SERPINE2: variants seen among roughly 807,000 people sequenced by gnomAD.
The protein encoded by SERPINE2 is serpin family E member 2.
SERPINE2 carries 14 observed loss-of-function variants against 36.3 expected under a neutral mutation model. The ratio of observed to expected loss-of-function variants is 0.39; its 90% CI spans 0.25 to 0.60. The LOEUF (loss-of-function observed/expected upper bound fraction) is 0.60. Among genes scored for constraint, SERPINE2 ranks in the 20% least tolerant of loss-of-function variants. The pLI is 0.57. For synonymous variants in SERPINE2, 192 were observed against 191.8 expected, an observed-to-expected ratio of 1.00 and a Z score of -0.01; for missense variants, 418 against 499.6, an observed-to-expected ratio of 0.84 and a Z score of 1.56.
At chr2:223,997,323 C>A (rs372672408) in intron 3 of SERPINE2, among the ~76,000 whole-genome samples, 1 of 152,116 alleles carries the variant, frequency 6.6e-6, no homozygotes, top group Non-Finnish European at 1.5e-5. Flanking sequence ...CAGGTTCAAG[C>A]GATTCTCCTG....
intron 1 of SERPINE2, among the ~76,000 whole-genome samples, chr2:224,005,478 A>T (rs1004140847): frequency 1.1e-4 from 16 of 152,240 alleles, no homozygotes; most frequent in Non-Finnish European, 1.9e-4. Flanking sequence ...CCTGGCTTAT[A>T]TACGTGTCTA....
chr2:223,988,219 G>A (rs1690515969), intron 4 of SERPINE2, among the ~76,000 whole-genome samples: 1 of 152,126 alleles, frequency 6.6e-6, no homozygotes, highest in Non-Finnish European at 1.5e-5. Flanking sequence ...CCCCAGGCTG[G>A]AAAGCAGTGA....
At chr2:224,009,814 A>G (rs1232659430) in intron 1 of SERPINE2, among the ~76,000 whole-genome samples, 2 of 152,200 alleles carry the variant, frequency 1.3e-5, no homozygotes, top group African/African-American at 4.8e-5. Flanking sequence ...ATTTCTCATC[A>G]GTACTTTGCC....
chr2:223,994,852 T>G (rs1167009371), intron 3 of SERPINE2, among the ~76,000 whole-genome samples: 1 of 152,236 alleles, frequency 6.6e-6, no homozygotes, highest in Non-Finnish European at 1.5e-5. Context: ...TTAGAATTAT[T>G]TGAATAGGTA....
intron 4 of SERPINE2, 114 bp from the exon 5 acceptor site, chr2:223,985,064 T>C: frequency 1.3e-6 from 1 of 777,988 alleles, no homozygotes; most frequent in South Asian, 1.7e-5. Flanking sequence ...GAACTTCCCT[T>C]TTCCACAAAT....
At chr2:224,013,627 C>T (rs537655663) in intron 1 of SERPINE2, among the ~76,000 whole-genome samples, 1 of 152,288 alleles carries the variant, frequency 6.6e-6, no homozygotes, top group Admixed American at 6.5e-5. Flanking sequence ...CTCTCAGTGG[C>T]TGGCTGTTCT....
In SERPINE2 at chr2:224,001,576, C is replaced by G. The variant is rs1574829433; in HGVS notation, c.259+66G>C. On this transcript the variant is annotated intron_variant, in intron 2 of 8. Transcript: ENST00000409304. ...TTGGGGTTGTCAGCAAAAACCAAGC[C>G]ATAAACCCTCCTGTCACAAGACTCT... 12 of 1,548,416 alleles carry G rather than the reference C, an allele frequency of 7.7e-6. No homozygotes were observed. The East Asian group carries it at 2.7e-4, about 35-fold the overall frequency.
At chr2:224,032,944 C>G (rs939394083) in intron 1 of SERPINE2, among the ~76,000 whole-genome samples, 4 of 152,186 alleles carry the variant, frequency 2.6e-5, no homozygotes, top group Non-Finnish European at 5.9e-5. Context: ...AGAATAAAGG[C>G]AAGACTCACT....
At chr2:224,036,773 C>G (rs2106208301) in intron 1 of SERPINE2, among the ~76,000 whole-genome samples, 2 of 152,036 alleles carry the variant, frequency 1.3e-5, no homozygotes, top group South Asian at 4.2e-4. Context: ...ACGTGGTTGT[C>G]ACTACAGGTG....
chr2:223,995,188 A>G (rs1281357089), intron 3 of SERPINE2, among the ~76,000 whole-genome samples: 1 of 152,130 alleles, frequency 6.6e-6, no homozygotes, highest in Non-Finnish European at 1.5e-5. Flanking sequence ...AACAGGCCAG[A>G]CCCATCCCTG....
At chr2:223,983,082 A>G (rs1690283802) in intron 5 of SERPINE2, among the ~76,000 whole-genome samples, 1 of 152,192 alleles carries the variant, frequency 6.6e-6, no homozygotes, top group Admixed American at 6.5e-5. Context: ...ACTTTCTTTT[A>G]TACTGACGTG....
At chr2:224,031,094 T>A in intron 1 of SERPINE2, 1 of 985,404 alleles carries the variant, frequency 1.0e-6, no homozygotes, top group Non-Finnish European at 1.2e-6. Context: ...AAATTTCTTC[T>A]CAAGAAGGTA....
intron 1 of SERPINE2, among the ~76,000 whole-genome samples, chr2:224,005,954 C>T (rs965329914): frequency 6.6e-6 from 1 of 152,218 alleles, no homozygotes; most frequent in African/African-American, 2.4e-5. Flanking sequence ...TCTAGTTTCT[C>T]TTACTTCAAA....
chr2:224,004,800 G>GTC (rs1691329422), intron 1 of SERPINE2, among the ~76,000 whole-genome samples: 1 of 151,376 alleles, frequency 6.6e-6, no homozygotes, highest in African/African-American at 2.4e-5. Flanking sequence ...CTCAATTGTT[G>GTC]TCTCTTGCAT....
chr2:223,988,222 A>G (rs555836083), intron 4 of SERPINE2, among the ~76,000 whole-genome samples: 195 of 152,168 alleles, frequency 1.3e-3, no homozygotes, highest in Admixed American at 2.4e-3. Flanking sequence ...CAGGCTGGAA[A>G]GCAGTGATGT....
intron 1 of SERPINE2, among the ~76,000 whole-genome samples, chr2:224,012,552 G>A (rs1387768064): frequency 2.0e-5 from 3 of 148,018 alleles, no homozygotes; most frequent in Non-Finnish European, 3.0e-5. Context: ...GCAGTGAGCC[G>A]AGATCCCACC....
chr2:224,020,019 A>C (rs1255880082), intron 1 of SERPINE2, among the ~76,000 whole-genome samples: 1 of 152,164 alleles, frequency 6.6e-6, no homozygotes, highest in East Asian at 1.9e-4. Context: ...AACCACTATT[A>C]CAGAGAAAGT....
Position 224,033,801 on chromosome 2 carries a change from G to A in SERPINE2, c.-23+5298C>T, listed in dbSNP as rs538901351. Reference sequence around the variant, plus strand: ...CAGCCAACAGACCTCAAGGAGGGCAGAACCATGCCAAAGGGAGGTTCAGAT... The same window carrying A: ...CAGCCAACAGACCTCAAGGAGGGCAAAACCATGCCAAAGGGAGGTTCAGAT... On this transcript the variant is annotated intron_variant, in intron 1 of 8. Transcript: ENST00000409304. Among the ~76,000 whole-genome samples the A allele has an allele frequency of 5.9e-5, 9 of 152,314 alleles. No individual in the cohort carries two copies. In the South Asian group the frequency reaches 1.9e-3, roughly 32 times the overall value.
In SERPINE2 at chr2:223,975,922, A is replaced by T. The variant is rs776005613; in HGVS notation, c.1157-18T>A. 7.5e-6 allele frequency: 12 copies of T among 1,594,398 alleles called. No individual in the cohort carries two copies. Among genetic ancestry groups the T allele is most frequent in the Non-Finnish European group, 1.0e-5 (12 of 1,166,224 alleles). On this transcript the variant is annotated intron_variant, in intron 8 of 8. Transcript: ENST00000409304. ...CACAGCACCTACAGAATTAAAAGAA[A>T]ACAATGCATGACTCTGTAAATTAAT...
Sources: gnomAD v4.1 joint callset for allele counts (sites outside exome capture counted in the v4.1 genomes callset) on GRCh38, gnomAD v4.1.1 for gene constraint, MANE v1.5 for transcripts, NCBI Gene and HGNC (gene_info 2026-07-23, HGNC 2026-07-21) for gene names.